Variants in VPS37A observed in about 807,000 individuals in gnomAD.
The protein encoded by VPS37A is vacuolar protein sorting-associated protein 37A.
Under a neutral mutation model 49.8 loss-of-function variants are expected in VPS37A, and 30 were observed. The observed-to-expected ratio is 0.60, with a 90% CI of 0.45 to 0.82. VPS37A has a LOEUF of 0.82. VPS37A is among the 40% of genes least tolerant of loss of function. The pLI is 0.00. For synonymous variants in VPS37A, 195 were observed against 160.6 expected (o/e 1.21, Z -1.62); for missense variants, 593 against 464.4 (o/e 1.28, Z -2.55).
downstream of VPS37A, chr8:17,299,462 A>G (rs1032168431): frequency 1.8e-5 from 3 of 166,318 alleles, no homozygotes; most frequent in Non-Finnish European, 4.0e-5. Flanking sequence ...AAAACACAAA[A>G]TATGCATCTA....
intron 1 of VPS37A, chr8:17,248,257 A>AC (rs201492160): frequency 0.12 from 44,758 of 365,758 alleles, 1,544 homozygotes; most frequent in African/African-American, 0.14. Context: ...TAAGTCCCTA[A>AC]CCCCTTTTTT....
intron 11 of VPS37A, among the ~76,000 whole-genome samples, chr8:17,294,087 G>A (rs1816388457): frequency 6.6e-6 from 1 of 152,246 alleles, no homozygotes. Context: ...GTTGCAGGGA[G>A]ATGGGAGTTT....
chr8:17,288,541 G>A (rs1473519425), intron 11 of VPS37A, among the ~76,000 whole-genome samples: 3 of 152,084 alleles, frequency 2.0e-5, no homozygotes, highest in African/African-American at 7.2e-5. Context: ...CCCTGCAAAG[G>A]ACATGAACTC....
chr8:17,263,923 A>G (rs560280007), intron 1 of VPS37A, among the ~76,000 whole-genome samples: 32 of 152,328 alleles, frequency 2.1e-4, no homozygotes, highest in Non-Finnish European at 3.8e-4. Flanking sequence ...CCTGGGCAAC[A>G]GAGCGAAACT....
At chr8:17,328,813 CATTA>C in the VPS37A span, among the ~76,000 whole-genome samples, 3 of 152,200 alleles carry the variant, frequency 2.0e-5, no homozygotes, top group African/African-American at 7.2e-5. Flanking sequence ...AAAATCACTT[CATTA>C]AATAACAAAA....
At chr8:17,321,498 G>A in the VPS37A span, among the ~76,000 whole-genome samples, 7 of 152,228 alleles carry the variant, frequency 4.6e-5, no homozygotes, top group African/African-American at 1.7e-4. Context: ...CTTCCCCTGT[G>A]TGCTGAGTGG....
At chr8:17,317,318 A>C in the VPS37A span, among the ~76,000 whole-genome samples, 4 of 152,164 alleles carry the variant, frequency 2.6e-5, no homozygotes, top group South Asian at 4.1e-4. Flanking sequence ...GGCCAATGTA[A>C]CATCTGCGAG....
At chr8:17,312,199 G>T in the VPS37A span, among the ~76,000 whole-genome samples, 1 of 152,184 alleles carries the variant, frequency 6.6e-6, no homozygotes, top group African/African-American at 2.4e-5. Flanking sequence ...TATCTTGGCA[G>T]TTAACATACG....
In VPS37A at chr8:17,270,421, A is replaced by G. The variant is rs1051392219; in HGVS notation, c.416+1465A>G. ...GCTTAATGGTTAGACTTCAGTGCTG[A>G]TACATCTATATGTGGCATCTCCATG... On this transcript the variant is annotated intron_variant, in intron 4 of 11. Transcript: ENST00000324849. 3.9e-5 allele frequency among the ~76,000 whole-genome samples: 6 copies of G among 152,238 alleles called. No homozygotes were observed. The South Asian group carries it at 8.3e-4, about 21-fold the overall frequency.
downstream of VPS37A, among the ~76,000 whole-genome samples, chr8:17,305,568 T>A (rs984709123): frequency 2.0e-5 from 3 of 152,200 alleles, no homozygotes; most frequent in African/African-American, 7.2e-5. Flanking sequence ...TGAAACTATT[T>A]ATCTGTCAGT....
chr8:17,282,990 T>A (rs565774064), intron 9 of VPS37A, among the ~76,000 whole-genome samples: 1 of 152,170 alleles, frequency 6.6e-6, no homozygotes, highest in African/African-American at 2.4e-5. Flanking sequence ...ACTGGAAACT[T>A]TGGAAAATAT....
chr8:17,314,602 A>G, the VPS37A span, among the ~76,000 whole-genome samples: 2 of 152,234 alleles, frequency 1.3e-5, no homozygotes, highest in Admixed American at 1.3e-4. Context: ...GATTTCCTGC[A>G]GCATAAAAGC....
At chr8:17,316,994 C>G in the VPS37A span, among the ~76,000 whole-genome samples, 3 of 152,246 alleles carry the variant, frequency 2.0e-5, no homozygotes, top group African/African-American at 7.2e-5. Context: ...TTTCCCATAT[C>G]CCAACTAATA....
At chr8:17,319,734 G>T in the VPS37A span, among the ~76,000 whole-genome samples, 1 of 152,168 alleles carries the variant, frequency 6.6e-6, no homozygotes, top group East Asian at 1.9e-4. Flanking sequence ...GCATCTCCCA[G>T]CTGATGGATA....
chr8:17,272,414 C>G lies in VPS37A; in HGVS notation c.417-2319C>G, dbSNP rs1814079949. Among the ~76,000 whole-genome samples, 3 of 152,164 alleles carry G rather than the reference C, an allele frequency of 2.0e-5. No homozygotes were observed. In the South Asian group the frequency reaches 6.2e-4, roughly 32 times the overall value. On this transcript the variant is annotated intron_variant, in intron 4 of 11. Transcript: ENST00000324849. ...TAAAAAATGTATTCAAAACCCATAC[C>G]TCTATCTTCTGTAGTAATAGGGCTG...
At chr8:17,250,200 G>A (rs924064270) in intron 1 of VPS37A, among the ~76,000 whole-genome samples, 13 of 152,144 alleles carry the variant, frequency 8.5e-5, no homozygotes, top group African/African-American at 3.1e-4. Flanking sequence ...GCAGGAGGTG[G>A]TCAGAGAGAG....
chr8:17,322,240 A>G, the VPS37A span, among the ~76,000 whole-genome samples: 2 of 152,210 alleles, frequency 1.3e-5, no homozygotes, highest in Non-Finnish European at 2.9e-5. Context: ...CTGAACATCC[A>G]CCAGGTGAAG....
chr8:17,310,314 G>A, the VPS37A span, among the ~76,000 whole-genome samples: 1 of 152,116 alleles, frequency 6.6e-6, no homozygotes, highest in South Asian at 2.1e-4. Flanking sequence ...ATTTTAAAAA[G>A]TGTTCAGTCA....
Position 17,295,509 on chromosome 8 carries a change from A to G in VPS37A, c.*523A>G, listed in dbSNP as rs1816555738. 6.6e-6 allele frequency: 1 copy of G among 152,638 alleles called. No homozygotes were observed. The highest frequency in any genetic ancestry group is 1.5e-5 in the Non-Finnish European group (1 of 68,018). 9.5% of individuals were successfully genotyped at this position (152,638 alleles called of 1,614,324 possible). ...GAAACACCAAACCTGCCTATGTGCC[A>G]TCTCACAAAAGAAACTTTTAATACC... is the stretch of plus-strand genomic sequence containing the variant. On this transcript the variant is annotated 3_prime_UTR_variant, in exon 12 of 12. Transcript: ENST00000324849.
Sources: gnomAD v4.1 joint callset for allele counts (sites outside exome capture counted in the v4.1 genomes callset) on GRCh38, gnomAD v4.1.1 for gene constraint, MANE v1.5 for transcripts, NCBI Gene and HGNC (gene_info 2026-07-23, HGNC 2026-07-21) for gene names.